The following SHCBP1L variants were observed in gnomAD, a reference collection of about 807,000 sequenced individuals.
The protein encoded by SHCBP1L is testicular spindle-associated protein SHCBP1L.
In SHCBP1L, 67 loss-of-function variants were observed where a neutral mutation model predicts 62.5. The ratio of observed to expected loss-of-function variants is 1.07; its 90% confidence interval spans 0.88 to 1.31. SHCBP1L has a LOEUF of 1.31. Ranked by LOEUF, SHCBP1L falls within the 40% of genes most tolerant of loss-of-function variation. SHCBP1L has a pLI of 0.00. For missense variants in SHCBP1L, 823 were observed against 809.8 expected (o/e 1.02, Z -0.20); for synonymous variants, 284 against 289.4 (o/e 0.98, Z 0.19).
intron 8 of SHCBP1L, 81 bp from the exon 9 acceptor site, chr1:182,903,242 A>G: frequency 8.0e-7 from 1 of 1,255,952 alleles, no homozygotes; most frequent in Non-Finnish European, 1.0e-6. Context: ...TGAAAATCGT[A>G]ATTCTGTATT....
intron 6 of SHCBP1L, among the ~76,000 whole-genome samples, chr1:182,909,573 T>C (rs1357559247): frequency 6.6e-6 from 1 of 152,232 alleles, no homozygotes; most frequent in African/African-American, 2.4e-5. Flanking sequence ...GACCAACTTA[T>C]ACACAGATTT....
intron 6 of SHCBP1L, among the ~76,000 whole-genome samples, chr1:182,928,955 G>A (rs989911981): frequency 6.6e-6 from 1 of 152,050 alleles, no homozygotes; most frequent in Non-Finnish European, 1.5e-5. Context: ...GCATAAAAAA[G>A]ACAAGTACCA....
chr1:182,922,470 C>A (rs1457089856), intron 6 of SHCBP1L, among the ~76,000 whole-genome samples: 2 of 151,506 alleles, frequency 1.3e-5, no homozygotes, highest in Non-Finnish European at 2.9e-5. Flanking sequence ...AGGAGAATCG[C>A]TTGAATCTGG....
At position 182,915,314 on chromosome 1, in the gene SHCBP1L, G is replaced by A. The variant is rs150410504; in HGVS notation, c.1183-9665C>T. Among the ~76,000 whole-genome samples the A allele has an allele frequency of 3.7e-4, 56 of 151,092 alleles. 1 individual carries two copies. In the East Asian group the frequency reaches 9.2e-3, roughly 25 times the overall value. ...GGCTACACTAACATTAGATAAAATA[G>A]ACTTTAATAACACAATTGTTGCTAG... On this transcript the variant is annotated intron_variant, in intron 6 of 9. Transcript: ENST00000367547.
At chr1:182,920,635 T>C (rs555383151) in intron 6 of SHCBP1L, among the ~76,000 whole-genome samples, 4 of 152,056 alleles carry the variant, frequency 2.6e-5, no homozygotes, top group Admixed American at 6.5e-5. Context: ...TAGGAGAAAG[T>C]TGAAACCCAA....
intron 6 of SHCBP1L, among the ~76,000 whole-genome samples, chr1:182,924,972 A>AAGAAAGAAAGAAAG (rs1401940233): frequency 1.4e-5 from 2 of 140,552 alleles, no homozygotes; most frequent in Non-Finnish European, 3.1e-5. Context: ...GAAAGAAAGA[A>AAGAAAGAAAGAAAG]AGAAAAAAAA....
chr1:182,904,062 G>T, intron 8 of SHCBP1L, 118 bp downstream of exon 8: 1 of 1,274,666 alleles, frequency 7.8e-7, no homozygotes, highest in Non-Finnish European at 1.1e-6. Flanking sequence ...CAGTTACTAA[G>T]TTTAATTAGA....
Position 182,900,193 on chromosome 1 carries a change from A to G in SHCBP1L, c.1752T>C (p.Ile584=). ...TTACTCCATAGCCTTTGTTGCTATA[A>G]ATATGATTATTAGTCATCTTCAATT... ...APKLKMTNNH[I]YSNKGYGVSI... Residue 584 remains isoleucine (I), a synonymous_variant, in exon 10 of 10, where the codon ATT becomes ATC. Coordinates refer to ENST00000367547, the MANE Select transcript of SHCBP1L (RefSeq NM_030933.4). 1 of 1,602,580 alleles carries G rather than the reference A, an allele frequency of 6.2e-7. No individual in the cohort carries two copies. Among genetic ancestry groups the G allele is most frequent in the South Asian group, 1.1e-5 (1 of 87,746 alleles).
rs1651390074 is a variant in SHCBP1L, at chr1:182,942,150, T to A, written c.556-1607A>T. ...TCTCCTGCTTCATCAGAGGCTGGAC[T>A]CTCCTCAGTTTTCGTTTCCCCATTT... On this transcript the variant is annotated intron_variant, in intron 2 of 9. Transcript: ENST00000367547. The A allele has an allele frequency of 1.8e-5, 17 of 945,880 alleles. 1 individual carries two copies. In the South Asian group the frequency reaches 2.1e-4, roughly 11 times the overall value. The allele number at this position is 945,880 out of a possible 1,614,324, so 58.6% of individuals were successfully genotyped here.
intron 5 of SHCBP1L, among the ~76,000 whole-genome samples, chr1:182,935,770 T>G (rs1386071594): frequency 6.6e-6 from 1 of 152,202 alleles, no homozygotes; most frequent in African/African-American, 2.4e-5. Flanking sequence ...CTTTTTGTCC[T>G]GATAATTGTC....
intron 2 of SHCBP1L, among the ~76,000 whole-genome samples, chr1:182,949,607 G>A (rs1345819982): frequency 6.6e-6 from 1 of 151,634 alleles, no homozygotes; most frequent in Non-Finnish European, 1.5e-5. Flanking sequence ...TGAGGTGGGA[G>A]GACTGCTTGA....
In SHCBP1L at chr1:182,905,748, C is replaced by T. The variant is rs1649992624; in HGVS notation, c.1183-99G>A. The T allele has an allele frequency of 2.7e-6, 3 of 1,118,388 alleles. No homozygotes were observed. In the South Asian group the frequency reaches 4.8e-5, roughly 18 times the overall value. 69.3% of individuals were successfully genotyped at this position (1,118,388 alleles called of 1,614,324 possible). A position where few individuals can be genotyped will look rare whatever the true frequency, so the allele number is the denominator to read the frequency against. On this transcript the variant is annotated intron_variant, in intron 6 of 9. Transcript: ENST00000367547. ...CTGGACAAGTACTTTTCCCAAAAGA[C>T]TTATCATTTATTAAAGACTAGCATT...
chr1:182,908,259 T>A (rs1650077919), intron 6 of SHCBP1L, among the ~76,000 whole-genome samples: 2 of 152,200 alleles, frequency 1.3e-5, no homozygotes, highest in African/African-American at 4.8e-5. Flanking sequence ...TCAACAGACA[T>A]CCCCTCCCTT....
chr1:182,937,400 A>G (rs1414731920), intron 5 of SHCBP1L, among the ~76,000 whole-genome samples: 1 of 152,150 alleles, frequency 6.6e-6, no homozygotes, highest in African/African-American at 2.4e-5. Flanking sequence ...TGTTCACTAT[A>G]GTAGGTAATG....
intron 6 of SHCBP1L, among the ~76,000 whole-genome samples, chr1:182,908,510 A>G (rs1358756802): frequency 6.6e-6 from 1 of 152,168 alleles, no homozygotes; most frequent in Admixed American, 6.5e-5. Context: ...ACATTATTCA[A>G]TCCACCATCA....
chr1:182,946,434 C>G (rs1651567688), intron 2 of SHCBP1L, among the ~76,000 whole-genome samples: 1 of 150,462 alleles, frequency 6.6e-6, no homozygotes, highest in African/African-American at 2.4e-5. Flanking sequence ...TATGATCATA[C>G]AAAAATATTT....
chr1:182,923,735 C>T (rs1571345300), intron 6 of SHCBP1L, among the ~76,000 whole-genome samples: 1 of 152,208 alleles, frequency 6.6e-6, no homozygotes, highest in Non-Finnish European at 1.5e-5. Flanking sequence ...AAGGAATATA[C>T]CTCAAGATAA....
intron 6 of SHCBP1L, among the ~76,000 whole-genome samples, chr1:182,924,776 GAAAGAA>G (rs1175815473): frequency 2.0e-4 from 18 of 89,710 alleles, no homozygotes; most frequent in African/African-American, 1.7e-3. Context: ...AAGAAAGAAA[GAAAGAA>G]AGAAAGAGAG....
chr1:182,905,109 G>A (rs547758820), intron 7 of SHCBP1L, among the ~76,000 whole-genome samples: 1 of 152,294 alleles, frequency 6.6e-6, no homozygotes, highest in East Asian at 1.9e-4. Flanking sequence ...GTCAAAAAGA[G>A]AGAAAGTTTC....
Sources: allele counts gnomAD v4.1 joint callset (sites outside exome capture counted in the v4.1 genomes callset), GRCh38; gene constraint gnomAD v4.1.1; transcripts MANE v1.5; gene names NCBI Gene and HGNC (gene_info 2026-07-23, HGNC 2026-07-21).